ITGA9: variants seen among roughly 807,000 people sequenced by gnomAD.
ITGA9 encodes integrin subunit alpha 9, also known as integrin alpha-9.
Under a neutral mutation model 127.8 loss-of-function variants are expected in ITGA9, and 56 were observed. The ratio of observed to expected loss-of-function variants is 0.44; its 90% CI spans 0.35 to 0.55. The LOEUF is 0.55. ITGA9 is among the 20% of genes least tolerant of loss of function. The pLI is 0.00. For synonymous variants in ITGA9, 508 were observed against 514.5 expected, an observed-to-expected ratio of 0.99 and a Z score of 0.17; for missense variants, 1,196 against 1,347.1, an observed-to-expected ratio of 0.89 and a Z score of 1.76.
chr3:37,669,151 T>TG (rs1227928127), intron 17 of ITGA9, among the ~76,000 whole-genome samples: 1 of 152,158 alleles, frequency 6.6e-6, no homozygotes, highest in Non-Finnish European at 1.5e-5. Flanking sequence ...CGAGGCTGGG[T>TG]GGTTGCCATT....
intron 5 of ITGA9, among the ~76,000 whole-genome samples, chr3:37,497,792 A>G (rs964854449): frequency 6.6e-6 from 1 of 152,092 alleles, no homozygotes; most frequent in Non-Finnish European, 1.5e-5. Flanking sequence ...GACTTGAGTC[A>G]ATAGGCAGTG....
intron 8 of ITGA9, among the ~76,000 whole-genome samples, chr3:37,511,042 GATTT>G (rs1430119361): frequency 6.6e-6 from 1 of 152,148 alleles, no homozygotes; most frequent in Non-Finnish European, 1.5e-5. Context: ...GATGCCTTTA[GATTT>G]ATCCCTATGT....
chr3:37,770,631 C>G (rs1412030584), intron 23 of ITGA9, among the ~76,000 whole-genome samples: 1 of 152,244 alleles, frequency 6.6e-6, no homozygotes, highest in Non-Finnish European at 1.5e-5. Context: ...AACAAAGGGT[C>G]TGCTCTCTTT....
rs1559591543 is a variant in ITGA9 at position 37,763,799 on chromosome 3, C to T, written c.2541+13230C>T. Among the ~76,000 whole-genome samples the T allele has an allele frequency of 2.0e-5, 3 of 152,336 alleles. No homozygotes were observed. The East Asian group carries it at 5.8e-4, about 29-fold the overall frequency. On this transcript the variant is annotated intron_variant, in intron 23 of 27. Coordinates refer to ENST00000264741, the MANE Select transcript of ITGA9 (RefSeq NM_002207.3). ...GCACATTTTTATCTATGCTGCTCTT[C>T]CCCATCATGAACACATGCTTCTTTT...
intron 15 of ITGA9, among the ~76,000 whole-genome samples, chr3:37,543,055 C>T (rs1699290617): frequency 6.6e-6 from 1 of 152,186 alleles, no homozygotes; most frequent in African/African-American, 2.4e-5. Context: ...TGACTACTTT[C>T]TATTTATTTT....
intron 17 of ITGA9, among the ~76,000 whole-genome samples, chr3:37,659,316 A>G (rs975847149): frequency 2.6e-5 from 4 of 152,130 alleles, no homozygotes; most frequent in South Asian, 2.1e-4. Context: ...AGATACACCA[A>G]TCAAATGTAG....
At chr3:37,488,216 T>C (rs1242195625) in intron 4 of ITGA9, among the ~76,000 whole-genome samples, 2 of 152,206 alleles carry the variant, frequency 1.3e-5, no homozygotes, top group African/African-American at 4.8e-5. Context: ...CCTGAGCCAC[T>C]GCAGCTCCCT....
At chr3:37,529,932 G>A (rs1022603892) in intron 13 of ITGA9, among the ~76,000 whole-genome samples, 6 of 152,126 alleles carry the variant, frequency 3.9e-5, no homozygotes, top group Non-Finnish European at 7.4e-5. Flanking sequence ...GGCTGGGGGC[G>A]AGGGGCTCTC....
intron 3 of ITGA9, among the ~76,000 whole-genome samples, chr3:37,478,935 C>T (rs1698522929): frequency 6.6e-6 from 1 of 152,180 alleles, no homozygotes; most frequent in Non-Finnish European, 1.5e-5. Flanking sequence ...ATACACCAGA[C>T]ATTAAGTACA....
At chr3:37,536,175 A>G (rs1394297883) in intron 14 of ITGA9, among the ~76,000 whole-genome samples, 1 of 152,170 alleles carries the variant, frequency 6.6e-6, no homozygotes, top group African/African-American at 2.4e-5. Context: ...GTGCTGGCCA[A>G]CTCTGTCATC....
intron 3 of ITGA9, among the ~76,000 whole-genome samples, chr3:37,475,540 A>G (rs1014664186): frequency 6.6e-6 from 1 of 152,224 alleles, no homozygotes; most frequent in Non-Finnish European, 1.5e-5. Flanking sequence ...GCAGCACTAG[A>G]GCATTTGTGG....
At chr3:37,713,290 C>T (rs1701098370) in intron 18 of ITGA9, among the ~76,000 whole-genome samples, 1 of 152,154 alleles carries the variant, frequency 6.6e-6, no homozygotes, top group Admixed American at 6.5e-5. Flanking sequence ...TTTCCTTTCA[C>T]CTTTTAGTGC....
At chr3:37,726,637 T>A (rs1575210153) in intron 18 of ITGA9, among the ~76,000 whole-genome samples, 3 of 152,238 alleles carry the variant, frequency 2.0e-5, no homozygotes, top group Admixed American at 2.0e-4. Context: ...TATGTCTGGA[T>A]GAGAGAAGGT....
intron 16 of ITGA9, among the ~76,000 whole-genome samples, chr3:37,639,237 A>G (rs1014225443): frequency 6.6e-6 from 1 of 152,222 alleles, no homozygotes; most frequent in Admixed American, 6.5e-5. Flanking sequence ...AAAAGACTAT[A>G]AAGCTGGAAG....
chr3:37,726,320 A>G (rs1012283568), intron 18 of ITGA9, among the ~76,000 whole-genome samples: 1 of 152,252 alleles, frequency 6.6e-6, no homozygotes, highest in Non-Finnish European at 1.5e-5. Context: ...CACCAGGGTC[A>G]TCTTCAGTTT....
chr3:37,572,919 A>G (rs1441959633), intron 15 of ITGA9, among the ~76,000 whole-genome samples: 3 of 152,246 alleles, frequency 2.0e-5, no homozygotes, highest in African/African-American at 4.8e-5. Context: ...TGTCTGTAAA[A>G]TGAAGATGTG....
chr3:37,690,630 T>C (rs753244841), intron 18 of ITGA9, among the ~76,000 whole-genome samples: 1 of 152,118 alleles, frequency 6.6e-6, no homozygotes, highest in African/African-American at 2.4e-5. Flanking sequence ...CAGCTGACTT[T>C]TGGGTGCAAA....
At chr3:37,777,556 C>A in intron 24 of ITGA9, 39 bp downstream of exon 24, 1 of 1,610,320 alleles carries the variant, frequency 6.2e-7, no homozygotes, top group Non-Finnish European at 8.5e-7. Context: ...CACGGGTGGT[C>A]CTCACTCGGA....
At chr3:37,550,348 TA>T (rs1212632200) in intron 15 of ITGA9, among the ~76,000 whole-genome samples, 1 of 152,244 alleles carries the variant, frequency 6.6e-6, no homozygotes, top group Non-Finnish European at 1.5e-5. Context: ...TGCCTCTTCA[TA>T]ATAGAGTCCT....
Sources: allele counts gnomAD v4.1 joint callset (sites outside exome capture counted in the v4.1 genomes callset), GRCh38; gene constraint gnomAD v4.1.1; transcripts MANE v1.5; gene names NCBI Gene and HGNC (gene_info 2026-07-23, HGNC 2026-07-21).